The following CTBP2 variants were observed in gnomAD, a reference collection of about 807,000 sequenced individuals.
CTBP2 encodes the protein C-terminal binding protein 2.
CTBP2 carries 30 observed loss-of-function variants against 80.3 expected under a neutral mutation model. The observed-to-expected ratio is 0.37, with a 90% CI of 0.28 to 0.51. The LOEUF is 0.51. CTBP2 is among the 20% of genes least tolerant of loss of function. The pLI, the probability that CTBP2 is intolerant of heterozygous loss-of-function variation, is 0.93. For missense variants in CTBP2, 1,212 were observed against 1,375.3 expected (o/e 0.88, Z 1.88); for synonymous variants, 594 against 587.4 (o/e 1.01, Z -0.16).
chr10:125,092,176 CTT>C (rs71029238), intron 2 of CTBP2, among the ~76,000 whole-genome samples: 3,001 of 87,028 alleles, frequency 0.034, 27 homozygotes, highest in East Asian at 0.059. Context: ...TCTGAAGATT[CTT>C]TTTTTTTTTT....
chr10:125,093,277 C>T (rs1152672), intron 2 of CTBP2, among the ~76,000 whole-genome samples: 1 of 152,158 alleles, frequency 6.6e-6, no homozygotes, highest in Non-Finnish European at 1.5e-5. Context: ...AGGAACCCTG[C>T]GGCCCACAAG....
rs185762418 is a variant in CTBP2 at position 125,143,219 on chromosome 10, G to A, written c.-206+17100C>T. ...TTCGCCTCAGCCGGCCGGGTGTGTT[G>A]GCTCACACCTGTAATCCCAGCACTT... On this transcript the variant is annotated intron_variant, in intron 1 of 10. Transcript: ENST00000337195. Among the ~76,000 whole-genome samples, 204 of 151,232 alleles carry A rather than the reference G, an allele frequency of 1.3e-3. 1 individual carries two copies. The highest frequency in any genetic ancestry group is 0.011 in the Admixed American group (161 of 15,278).
chr10:125,131,929 G>T (rs974608099), intron 1 of CTBP2, among the ~76,000 whole-genome samples: 6 of 152,186 alleles, frequency 3.9e-5, no homozygotes, highest in Admixed American at 2.0e-4. Flanking sequence ...GATACTTGAG[G>T]TGGTGGAAGG....
At position 125,027,483 on chromosome 10, in the gene CTBP2, C is replaced by T. The variant is rs760144330; in HGVS notation, c.277G>A (p.Asp93Asn). 8 of 1,614,166 alleles carry T rather than the reference C, an allele frequency of 5.0e-6. No homozygotes were observed. The highest frequency in any genetic ancestry group is 5.1e-6 in the Non-Finnish European group (6 of 1,180,040). Residue 93 changes from aspartate to asparagine, a missense_variant, in exon 1 of 9, where the codon GAC becomes AAC. Transcript: ENST00000309035. The stretch of plus-strand genomic sequence containing the variant: ...CCAGACATCACTGCCTGTCTGCTGT[C>T]GTAGAAGGTGAAGTCAGGAGTAGAC...
intron 2 of CTBP2, among the ~76,000 whole-genome samples, chr10:125,049,864 T>C (rs1393646982): frequency 6.6e-6 from 1 of 152,202 alleles, no homozygotes; most frequent in Non-Finnish European, 1.5e-5. Context: ...ATCAAGACTC[T>C]TGAGCCACCC....
intron 1 of CTBP2, among the ~76,000 whole-genome samples, chr10:125,131,418 C>A (rs1856161997): frequency 6.6e-6 from 1 of 152,170 alleles, no homozygotes; most frequent in Admixed American, 6.5e-5. Context: ...GGCCCCCAAA[C>A]AAGGGCAGAA....
At chr10:125,136,633 T>A (rs1857012581) in intron 1 of CTBP2, among the ~76,000 whole-genome samples, 1 of 152,194 alleles carries the variant, frequency 6.6e-6, no homozygotes, top group African/African-American at 2.4e-5. Flanking sequence ...CCTCAGCACC[T>A]TCCAAGCCTC....
At chr10:125,101,420 GC>G (rs757196441) in intron 2 of CTBP2, among the ~76,000 whole-genome samples, 9 of 152,364 alleles carry the variant, frequency 5.9e-5, no homozygotes, top group Non-Finnish European at 1.0e-4. Flanking sequence ...GTCCAGGTGG[GC>G]ATAGGAGCGG....
rs1182943399 is a variant in CTBP2, at chr10:124,988,208, G to T, written c.*1310C>A. On this transcript the variant is annotated 3_prime_UTR_variant, in exon 9 of 9. Coordinates refer to ENST00000309035, the MANE Select transcript of CTBP2 (RefSeq NM_022802.3). Reference sequence around the variant, plus strand: ...CAGGTAATTAATTGTCAGCGGTCTTGAGTCTGGTTATGGAACCCTGTAGTA... The same window carrying T: ...CAGGTAATTAATTGTCAGCGGTCTTTAGTCTGGTTATGGAACCCTGTAGTA... 2.0e-5 allele frequency: 3 copies of T among 152,580 alleles called. No individual in the cohort carries two copies. The highest frequency in any genetic ancestry group is 2.0e-4 in the Admixed American group (3 of 15,276). 9.5% of individuals were successfully genotyped at this position (152,580 alleles called of 1,614,324 possible). A position where few individuals can be genotyped will look rare whatever the true frequency, so the allele number is the denominator to read the frequency against.
At chr10:125,063,360 G>A (rs1205148750) in intron 2 of CTBP2, among the ~76,000 whole-genome samples, 2 of 152,122 alleles carry the variant, frequency 1.3e-5, no homozygotes, top group Non-Finnish European at 2.9e-5. Context: ...TACCCCACAC[G>A]TCATGAGGCC....
chr10:125,136,842 C>T (rs1379999964), intron 1 of CTBP2, among the ~76,000 whole-genome samples: 2 of 152,160 alleles, frequency 1.3e-5, no homozygotes, highest in African/African-American at 2.4e-5. Flanking sequence ...GGGGCAGAGA[C>T]GTAAAACATT....
chr10:124,993,705 A>G, intron 6 of CTBP2, 150 bp downstream of exon 8: 1 of 1,087,100 alleles, frequency 9.2e-7, no homozygotes, highest in Non-Finnish European at 1.3e-6. Flanking sequence ...ATACAGCACA[A>G]TCCTTAGAAG....
intron 3 of CTBP2, among the ~76,000 whole-genome samples, chr10:125,002,172 C>T (rs553685222): frequency 3.9e-5 from 6 of 152,294 alleles, no homozygotes; most frequent in Middle Eastern, 3.4e-3. Flanking sequence ...AGAGTACAGC[C>T]CCCACCCCCA....
At position 124,985,970 on chromosome 10, in the gene CTBP2, A is replaced by G. The variant is rs1034311775; in HGVS notation, c.*3548T>C. On this transcript the variant is annotated 3_prime_UTR_variant, in exon 9 of 9. Coordinates refer to ENST00000309035, the MANE Select transcript of CTBP2 (RefSeq NM_022802.3). ...TTGCTTAGGCAGATTGGGAATACCA[A>G]TTCACTACAGAATAAAGATTTTAAA... 6 of 152,408 alleles carry G rather than the reference A, an allele frequency of 3.9e-5. No homozygotes were observed. The highest frequency in any genetic ancestry group is 3.4e-3 in the Middle Eastern group (1 of 294). 9.4% of individuals were successfully genotyped at this position (152,408 alleles called of 1,614,324 possible). A position where few individuals can be genotyped will look rare whatever the true frequency, so the allele number is the denominator to read the frequency against.
At position 125,049,938 on chromosome 10, in the gene CTBP2, G is replaced by C. The variant is rs796858015; in HGVS notation, c.-101-10783C>G. On this transcript the variant is annotated intron_variant, in intron 2 of 10. Transcript: ENST00000337195. Reference sequence around the variant, plus strand: ...AGTGTAGCCACCGCCCCAGTGCACAGCTCAGCTCCCCAAACCCCACGTCTG... The same window carrying C: ...AGTGTAGCCACCGCCCCAGTGCACACCTCAGCTCCCCAAACCCCACGTCTG... Among the ~76,000 whole-genome samples the C allele has an allele frequency of 5.9e-5, 9 of 152,298 alleles. No individual in the cohort carries two copies. In the East Asian group the frequency reaches 1.5e-3, roughly 26 times the overall value.
At chr10:125,110,574 A>G (rs551925245) in intron 2 of CTBP2, among the ~76,000 whole-genome samples, 1 of 152,364 alleles carries the variant, frequency 6.6e-6, no homozygotes, top group African/African-American at 2.4e-5. Context: ...CCTTCTTCCT[A>G]AAGACATCCA....
chr10:125,059,142 G>C (rs1964501286), intron 2 of CTBP2, among the ~76,000 whole-genome samples: 1 of 152,128 alleles, frequency 6.6e-6, no homozygotes, highest in East Asian at 1.9e-4. Context: ...GTGGGCGGTG[G>C]GGGTGGGAGG....
chr10:125,098,455 G>A (rs879833514), intron 2 of CTBP2, among the ~76,000 whole-genome samples: 1 of 152,096 alleles, frequency 6.6e-6, no homozygotes, highest in Non-Finnish European at 1.5e-5. Flanking sequence ...GGTCCGTAAG[G>A]CATCACTTGG....
chr10:125,038,360 A>G (rs528432450), intron 3 of CTBP2, among the ~76,000 whole-genome samples: 1 of 152,134 alleles, frequency 6.6e-6, no homozygotes, highest in East Asian at 1.9e-4. Flanking sequence ...GCAGCCCTGT[A>G]GCACTGACCC....
Sources: allele counts gnomAD v4.1 joint callset (sites outside exome capture counted in the v4.1 genomes callset), GRCh38; gene constraint gnomAD v4.1.1; transcripts MANE v1.5; gene names NCBI Gene and HGNC (gene_info 2026-07-23, HGNC 2026-07-21).